The following SLF1 variants were observed in gnomAD, a reference collection of about 807,000 sequenced individuals.
The protein encoded by SLF1 is SMC5/6 complex localization factor 1, also known as SMC5-SMC6 complex localization factor protein 1.
Under a neutral mutation model 123.0 loss-of-function variants are expected in SLF1, and 105 were observed. That is an observed-to-expected ratio of 0.85 (90% CI 0.73 to 1.00). The LOEUF is 1.00. Ranked by LOEUF, SLF1 falls within the 50% of genes least tolerant of loss-of-function variation. The probability of loss-of-function intolerance (pLI) is 0.00; values close to 1 mark genes in which losing one functional copy is unlikely to be tolerated. For synonymous variants in SLF1, 434 were observed against 406.6 expected (o/e 1.07, Z -0.81); for missense variants, 1,239 against 1,223.0 (o/e 1.01, Z -0.20).
chr5:94,635,516 T>TG (rs1379221787), intron 4 of SLF1, among the ~76,000 whole-genome samples: 2 of 151,996 alleles, frequency 1.3e-5, no homozygotes, highest in African/African-American at 4.8e-5. Flanking sequence ...TTTCTTCCTA[T>TG]GTTGCTGTCT....
rs1019793882 is a variant in SLF1 at position 94,635,937 on chromosome 5, T to C, written c.431+5194T>C. 1.2e-4 allele frequency among the ~76,000 whole-genome samples: 19 copies of C among 152,332 alleles called. No individual in the cohort carries two copies. In the East Asian group the frequency reaches 1.5e-3, roughly 12 times the overall value. On this transcript the variant is annotated intron_variant, in intron 4 of 20. Transcript: ENST00000265140. ...TTATGTTATTAGTGGCCTTTTGATA[T>C]AGCTTAAAGAACTTTCTTTCATAAT...
In SLF1 at chr5:94,659,371, T is replaced by C. The variant is rs547378460; in HGVS notation, c.1156-2927T>C. Among the ~76,000 whole-genome samples the C allele has an allele frequency of 3.0e-4, 46 of 152,194 alleles. 1 individual carries two copies. Among genetic ancestry groups the C allele is most frequent in the Admixed American group, 1.9e-3 (29 of 15,288 alleles). Reference sequence around the variant, plus strand: ...GTTGGAATCTGTTGCTGGAGAATTATTGTGTTCCTTTACAGGTGCCATGTT... The same window carrying C: ...GTTGGAATCTGTTGCTGGAGAATTACTGTGTTCCTTTACAGGTGCCATGTT... On this transcript the variant is annotated intron_variant, in intron 9 of 20. Coordinates refer to ENST00000265140, the MANE Select transcript of SLF1 (RefSeq NM_032290.4).
intron 3 of SLF1, 36 bp downstream of exon 3, chr5:94,629,203 A>G: frequency 4.7e-6 from 7 of 1,478,644 alleles, no homozygotes; most frequent in Non-Finnish European, 5.5e-6. Flanking sequence ...TTTAAAAACA[A>G]TCTTCGTGTT....
At position 94,695,198 on chromosome 5, in the gene SLF1, C is replaced by G; in HGVS notation, c.3063C>G (p.Leu1021=). The change falls in exon 21 of 21, where the codon CTC becomes CTG. Residue 1021 remains leucine (L), a synonymous_variant. Coordinates refer to ENST00000265140, the MANE Select transcript of SLF1 (RefSeq NM_032290.4). ...GAAATATAAAGACATTGCAGAAACT[C>G]CCACACATTCTTAAGGAACTGCCTG... ...YAGNIKTLQK[L]PHILKELPEN... is the part of the protein sequence containing the mutation. The G allele has an allele frequency of 6.2e-7, 1 of 1,612,724 alleles. No individual in the cohort carries two copies. Among genetic ancestry groups the G allele is most frequent in the East Asian group, 2.2e-5 (1 of 44,826 alleles).
At position 94,670,977 on chromosome 5, in the gene SLF1, A is replaced by G. The variant is rs1364084020; in HGVS notation, c.1796A>G (p.Tyr599Cys). 4 of 1,547,204 alleles carry G rather than the reference A, an allele frequency of 2.6e-6. No homozygotes were observed. Among genetic ancestry groups the G allele is most frequent in the Middle Eastern group, 1.7e-4 (1 of 5,962 alleles). Residue 599 changes from tyrosine to cysteine, a missense_variant, in exon 14 of 21, where the codon TAT becomes TGT. Tyr to Cys is a radical substitution (Grantham distance 194). Coordinates refer to ENST00000265140, the MANE Select transcript of SLF1 (RefSeq NM_032290.4). ...PVNMLLEWTI[Y>C]SHKEKFKSND... Reference sequence around the variant, plus strand: ...AATATGCTTTTGGAATGGACTATATATTCTCACAAGGAAAAATTCAAGTCT... The same window carrying G: ...AATATGCTTTTGGAATGGACTATATGTTCTCACAAGGAAAAATTCAAGTCT...
chr5:94,661,573 T>C (rs2152485244), intron 9 of SLF1, among the ~76,000 whole-genome samples: 2 of 151,866 alleles, frequency 1.3e-5, no homozygotes. Context: ...CTAGCTCTGT[T>C]GCCCAGGCTG....
At chr5:94,640,506 C>G (rs2152472357) in intron 4 of SLF1, among the ~76,000 whole-genome samples, 1 of 152,166 alleles carries the variant, frequency 6.6e-6, no homozygotes, top group Middle Eastern at 3.4e-3. Flanking sequence ...TTGAGGATCT[C>G]TGAGCTTGTG....
At chr5:94,684,697 CAAAAAAAAA>C (rs397882900) in intron 15 of SLF1, among the ~76,000 whole-genome samples, 8 of 68,838 alleles carry the variant, frequency 1.2e-4, no homozygotes, top group East Asian at 4.2e-4. Context: ...GACTCTGTCT[CAAAAAAAAA>C]AAAAAAAAAA....
chr5:94,647,578 T>C (rs1345560156), intron 5 of SLF1, among the ~76,000 whole-genome samples: 1 of 152,222 alleles, frequency 6.6e-6, no homozygotes, highest in Non-Finnish European at 1.5e-5. Context: ...CACTATACTT[T>C]ACAAAATATA....
chr5:94,683,831 T>G (rs938769507), intron 15 of SLF1, among the ~76,000 whole-genome samples: 1 of 152,218 alleles, frequency 6.6e-6, no homozygotes, highest in African/African-American at 2.4e-5. Context: ...CTTTCTGTTA[T>G]TAGTTATTGG....
chr5:94,676,001 C>T (rs1481678577), intron 14 of SLF1, among the ~76,000 whole-genome samples: 1 of 142,736 alleles, frequency 7.0e-6, no homozygotes, highest in African/African-American at 2.6e-5. Context: ...TAACATCCTT[C>T]TTTCCTGCCC....
At chr5:94,679,042 A>T (rs1751447537) in intron 15 of SLF1, 87 bp downstream of exon 15, 1 of 1,457,708 alleles carries the variant, frequency 6.9e-7, no homozygotes, top group Non-Finnish European at 9.3e-7. Flanking sequence ...GCTTTAACAT[A>T]TGTTCATTTG....
In SLF1 at chr5:94,649,594, C is replaced by T; in HGVS notation, c.735C>T (p.Thr245=). The T allele has an allele frequency of 6.8e-7, 1 of 1,467,630 alleles. No homozygotes were observed. Among genetic ancestry groups the T allele is most frequent in the Admixed American group, 2.2e-5 (1 of 45,528 alleles). 90.9% of individuals were successfully genotyped at this position (1,467,630 alleles called of 1,614,324 possible). A position where few individuals can be genotyped will look rare whatever the true frequency, so the allele number is the denominator to read the frequency against. ...KGALRETMYR[T]QKEMQNHEDV... is the part of the protein sequence containing the mutation. ...CCTTAAGAGAGACCATGTATAGAAC[C>T]CAGGTAAACTTTATAGGCTGAAAAA... The change falls in exon 6 of 21, where the codon ACC becomes ACT. Residue 245 remains threonine, a synonymous_variant. Transcript: ENST00000265140.
chr5:94,663,120 T>C (rs1749324281), intron 10 of SLF1, among the ~76,000 whole-genome samples: 2 of 152,232 alleles, frequency 1.3e-5, no homozygotes, highest in Admixed American at 1.3e-4. Context: ...ATTTTTCACC[T>C]AAAGAACTAT....
rs12110297 is a variant in SLF1, at chr5:94,691,537, G to A, written c.2420-27G>A. ...TTTAGTTGATATCTTGTCTTCTCTG[G>A]AATAATCTATTAATTTTTTATGGCA... is the stretch of plus-strand genomic sequence containing the variant. On this transcript the variant is annotated intron_variant, in intron 18 of 20. Transcript: ENST00000265140. The A allele has an allele frequency of 5.8e-5, 92 of 1,575,030 alleles. 1 individual carries two copies. The highest frequency in any genetic ancestry group is 7.6e-5 in the Non-Finnish European group (88 of 1,150,568).
chr5:94,649,344 C>T, intron 5 of SLF1, 110 bp from the exon 6 acceptor site: 16 of 891,906 alleles, frequency 1.8e-5, no homozygotes, highest in East Asian at 6.1e-5. Flanking sequence ...TGCATTTTAC[C>T]TACTTGTTTG....
intron 17 of SLF1, 25 bp from the exon 18 acceptor site, chr5:94,689,448 C>T (rs1752829868): frequency 6.3e-7 from 1 of 1,596,528 alleles, no homozygotes; most frequent in African/African-American, 1.4e-5. Flanking sequence ...AACAAGCTTT[C>T]ATTATTTCTT....
chr5:94,688,426 A>G, intron 16 of SLF1, 80 bp from the exon 17 acceptor site: 1 of 1,404,500 alleles, frequency 7.1e-7, no homozygotes, highest in Non-Finnish European at 9.9e-7. Flanking sequence ...AACCAAATGT[A>G]ATAGTGAAAT....
At position 94,691,625 on chromosome 5, in the gene SLF1, C is replaced by G. The variant is rs1328295914; in HGVS notation, c.2481C>G (p.Leu827=). The part of the protein sequence containing the change: ...NNQVEKLILL[L]SLPGIDINVK... The stretch of plus-strand genomic sequence containing the variant: ...AAGTGGAGAAATTGATTCTTCTTCT[C>G]TCTTTGCCAGGAATAGACATCAATG... Residue 827 remains leucine, a synonymous_variant, in exon 19 of 21, where the codon CTC becomes CTG. Coordinates refer to ENST00000265140, the MANE Select transcript of SLF1 (RefSeq NM_032290.4). 8 of 1,611,922 alleles carry G rather than the reference C, an allele frequency of 5.0e-6. No individual in the cohort carries two copies. The highest frequency in any genetic ancestry group is 2.2e-5 in the South Asian group (2 of 90,718).
Sources: gnomAD v4.1 joint callset for allele counts (sites outside exome capture counted in the v4.1 genomes callset) on GRCh38, gnomAD v4.1.1 for gene constraint, MANE v1.5 for transcripts, NCBI Gene and HGNC (gene_info 2026-07-23, HGNC 2026-07-21) for gene names.